DENND10: variants seen among roughly 807,000 people sequenced by gnomAD.
DENND10 encodes DENN domain containing 10, also known as DENN domain-containing protein 10.
A neutral mutation model predicts 43.6 loss-of-function variants in DENND10; 24 were observed. The observed-to-expected ratio is 0.55, with a 90% CI of 0.40 to 0.77. DENND10 has a LOEUF of 0.77. Among genes scored for constraint, DENND10 ranks in the 30% least tolerant of loss-of-function variants. The pLI, the probability that DENND10 is intolerant of heterozygous loss-of-function variation, is 0.00. For missense variants in DENND10, 303 were observed against 429.9 expected (o/e 0.70, Z 2.61); for synonymous variants, 125 against 157.6 (o/e 0.79, Z 1.55).
At chr10:119,126,903 T>C (rs1185955036) in intron 6 of DENND10, among the ~76,000 whole-genome samples, 1 of 141,910 alleles carries the variant, frequency 7.0e-6, no homozygotes, top group Non-Finnish European at 1.5e-5. Flanking sequence ...TTTTCTTTTC[T>C]TTTTTTTTTT....
chr10:119,118,236 A>G (rs1455342235), intron 4 of DENND10, among the ~76,000 whole-genome samples: 1 of 152,128 alleles, frequency 6.6e-6, no homozygotes, highest in Non-Finnish European at 1.5e-5. Context: ...TCAGAGGAAA[A>G]CAGGTTTTTG....
rs1489787277 is a variant in DENND10, at chr10:119,108,170, A to T, written c.252+6A>T. 6.3e-7 allele frequency: 1 copy of T among 1,593,702 alleles called. No individual in the cohort carries two copies. Among genetic ancestry groups the T allele is most frequent in the East Asian group, 2.2e-5 (1 of 44,784 alleles). On this transcript the variant is annotated splice_donor_region_variant and intron_variant, in intron 2 of 8. Transcript: ENST00000361432. ...ATTCTTCCATTTTGAAAAAGGTATG[A>T]TTGCGTGAAGGTAAAAAAAAAACCC...
At position 119,136,937 on chromosome 10, in the gene DENND10, A is replaced by C; in HGVS notation, c.*290A>C. ...GGTCCTGGGGTAAGAGAAAAAAAGC[A>C]CATCACAACAAATGTGAAAGCCTTC... On this transcript the variant is annotated 3_prime_UTR_variant, in exon 9 of 9. Coordinates refer to ENST00000361432, the MANE Select transcript of DENND10 (RefSeq NM_207009.4). 3.2e-6 allele frequency: 1 copy of C among 317,350 alleles called. No individual in the cohort carries two copies. The highest frequency in any genetic ancestry group is 6.9e-5 in the South Asian group (1 of 14,582). The allele number at this position is 317,350 out of a possible 1,614,324, so 19.7% of individuals were successfully genotyped here. A position where few individuals can be genotyped will look rare whatever the true frequency, so the allele number is the denominator to read the frequency against.
In DENND10 at chr10:119,120,482, A is replaced by T. The variant is rs181997301; in HGVS notation, c.593+30A>T. On this transcript the variant is annotated intron_variant, in intron 5 of 8. Transcript: ENST00000361432. ...CACCTCTAATTATAAAAAAGTGTTA[A>T]CTTTGTTGGCAGACAGTTCGCAGCA... 79 of 1,409,422 alleles carry T rather than the reference A, an allele frequency of 5.6e-5. No homozygotes were observed. In the African/African-American group the frequency reaches 8.7e-4, roughly 16 times the overall value. The allele number at this position is 1,409,422 out of a possible 1,614,324, so 87.3% of individuals were successfully genotyped here.
chr10:119,112,065 CTG>C, intron 3 of DENND10, 137 bp downstream of exon 3: 1 of 644,382 alleles, frequency 1.6e-6, no homozygotes, highest in Middle Eastern at 3.6e-4. Context: ...CCTTCACAGA[CTG>C]TAAAGACGGC....
At chr10:119,111,973 C>A in intron 3 of DENND10, 45 bp downstream of exon 3, 2 of 1,383,156 alleles carry the variant, frequency 1.4e-6, no homozygotes, top group Non-Finnish European at 2.1e-6. Flanking sequence ...AAAATGAAGA[C>A]CTTAGTATAG....
At chr10:119,115,761 G>GAA (rs1845232892) in intron 3 of DENND10, among the ~76,000 whole-genome samples, 1 of 139,374 alleles carries the variant, frequency 7.2e-6, no homozygotes, top group Admixed American at 7.3e-5. Context: ...ATTTTCAAGT[G>GAA]ATCTTTTTTT....
At chr10:119,116,971 C>A (rs1160930020) in intron 3 of DENND10, among the ~76,000 whole-genome samples, 1 of 151,970 alleles carries the variant, frequency 6.6e-6, no homozygotes, top group African/African-American at 2.4e-5. Flanking sequence ...TGAGCCACTG[C>A]GCCCGGCTGC....
rs144419909 is a variant in DENND10, at chr10:119,124,496, G to A, written c.694+927G>A. On this transcript the variant is annotated intron_variant, in intron 6 of 8. Coordinates refer to ENST00000361432, the MANE Select transcript of DENND10 (RefSeq NM_207009.4). ...GTGGAGGTCGCAGTGAGCTGAGACT[G>A]AGCCACTGCACTCCAGCCAGGGCGA... Among the ~76,000 whole-genome samples, 1,477 of 151,844 alleles carry A rather than the reference G, an allele frequency of 9.7e-3. 24 individuals carry two copies. The highest frequency in any genetic ancestry group is 0.034 in the African/African-American group (1,396 of 41,422).
At chr10:119,111,573 G>A (rs538813868) in intron 2 of DENND10, among the ~76,000 whole-genome samples, 1 of 152,058 alleles carries the variant, frequency 6.6e-6, no homozygotes, top group East Asian at 1.9e-4. Flanking sequence ...ACATTAAGTA[G>A]AAATGTACTT....
At chr10:119,121,749 G>T (rs115364166) in intron 5 of DENND10, among the ~76,000 whole-genome samples, 1 of 151,796 alleles carries the variant, frequency 6.6e-6, no homozygotes, top group Admixed American at 6.6e-5. Flanking sequence ...CACTGTGCCC[G>T]GCCAGGTCCT....
chr10:119,111,847 A>G lies in DENND10; in HGVS notation c.253-2A>G. On this transcript the variant is annotated splice_acceptor_variant, in intron 2 of 8. Transcript: ENST00000361432. LOFTEE classifies it high-confidence loss of function. ...TATTTTTTTGTTGTTTCTTTTGAAC[A>G]GGTGACTCATTTTTCTATTGTCCTG... The G allele has an allele frequency of 1.9e-6, 3 of 1,609,210 alleles. No homozygotes were observed. The East Asian group carries it at 6.7e-5, about 36-fold the overall frequency.
intron 1 of DENND10, among the ~76,000 whole-genome samples, chr10:119,105,838 T>G (rs368112075): frequency 6.6e-6 from 1 of 151,880 alleles, no homozygotes; most frequent in East Asian, 1.9e-4. Context: ...ACTGAGATCA[T>G]GCCACTGTAC....
chr10:119,127,188 G>A (rs970167734), intron 6 of DENND10, among the ~76,000 whole-genome samples: 1 of 152,042 alleles, frequency 6.6e-6, no homozygotes, highest in African/African-American at 2.4e-5. Flanking sequence ...ATAGGTGTGA[G>A]CTACTGTGCC....
chr10:119,115,945 G>A (rs1046107004), intron 3 of DENND10, among the ~76,000 whole-genome samples: 1 of 151,638 alleles, frequency 6.6e-6, no homozygotes, highest in Non-Finnish European at 1.5e-5. Flanking sequence ...TATATTTTTA[G>A]TAGAGACAGC....
intron 3 of DENND10, among the ~76,000 whole-genome samples, chr10:119,116,160 G>A (rs1322956468): frequency 6.6e-6 from 1 of 152,158 alleles, no homozygotes; most frequent in Non-Finnish European, 1.5e-5. Flanking sequence ...TGTTTCTCAA[G>A]CAAAATTTAA....
intron 4 of DENND10, among the ~76,000 whole-genome samples, chr10:119,119,291 TC>T (rs1336199919): frequency 6.6e-6 from 1 of 150,678 alleles, no homozygotes; most frequent in Admixed American, 6.6e-5. Context: ...GGCATGAGCT[TC>T]CGCGCCCGGC....
At chr10:119,113,760 A>G (rs1845102613) in intron 3 of DENND10, among the ~76,000 whole-genome samples, 1 of 151,870 alleles carries the variant, frequency 6.6e-6, no homozygotes, top group African/African-American at 2.4e-5. Flanking sequence ...CAGTTAGATT[A>G]TATCTTGGCT....
At chr10:119,115,212 A>C (rs1259970947) in intron 3 of DENND10, among the ~76,000 whole-genome samples, 1 of 151,120 alleles carries the variant, frequency 6.6e-6, no homozygotes, top group East Asian at 1.9e-4. Flanking sequence ...CCTGATCCCC[A>C]CCCCACACAA....
Sources: allele counts gnomAD v4.1 joint callset (sites outside exome capture counted in the v4.1 genomes callset), GRCh38; gene constraint gnomAD v4.1.1; transcripts MANE v1.5; gene names NCBI Gene and HGNC (gene_info 2026-07-23, HGNC 2026-07-21).